CEP162: variants seen among roughly 807,000 people sequenced by gnomAD.
CEP162 encodes centrosomal protein of 162 kDa.
Under a neutral mutation model 169.2 loss-of-function variants are expected in CEP162, and 141 were observed. The observed-to-expected ratio is 0.83, with a 90% confidence interval of 0.73 to 0.96. CEP162 has a LOEUF of 0.96. Among genes scored for constraint, CEP162 ranks in the 40% least tolerant of loss-of-function variants. The probability of loss-of-function intolerance (pLI) is 0.00; values close to 1 mark genes in which losing one functional copy is unlikely to be tolerated. For synonymous variants in CEP162, 540 were observed against 526.4 expected, an observed-to-expected ratio of 1.03 and a Z score of -0.35; for missense variants, 1,600 against 1,587.2, an observed-to-expected ratio of 1.01 and a Z score of -0.14.
At chr6:84,221,226 C>G in intron 2 of CEP162, 55 bp from the exon 3 acceptor site, 5 of 849,548 alleles carry the variant, frequency 5.9e-6, no homozygotes, top group Non-Finnish European at 9.9e-6. Context: ...TCAAGAATCT[C>G]AGATTCATCA....
In CEP162 at chr6:84,165,102, T is replaced by G. The variant is rs116299818; in HGVS notation, c.2386-1832A>C. Among the ~76,000 whole-genome samples the G allele has an allele frequency of 4.4e-3, 662 of 151,816 alleles. 6 individuals are homozygous for G. Among genetic ancestry groups the G allele is most frequent in the African/African-American group, 0.015 (631 of 41,402 alleles). ...TGCTTGCAGTGCTTTGGGACCCAGA[T>G]AGCCAGGCAGTTTCCTCCCTCACTT... is the stretch of plus-strand genomic sequence containing the variant. On this transcript the variant is annotated intron_variant, in intron 18 of 26. Coordinates refer to ENST00000403245, the MANE Select transcript of CEP162 (RefSeq NM_014895.4).
intron 18 of CEP162, among the ~76,000 whole-genome samples, chr6:84,164,925 A>G (rs2099527234): frequency 6.6e-6 from 1 of 152,146 alleles, no homozygotes; most frequent in African/African-American, 2.4e-5. Flanking sequence ...GGGTTAACCC[A>G]AAGTCCTTAC....
At chr6:84,126,955 G>T (rs2099509185) in intron 25 of CEP162, among the ~76,000 whole-genome samples, 1 of 152,116 alleles carries the variant, frequency 6.6e-6, no homozygotes, top group African/African-American at 2.4e-5. Context: ...AATTCTATTT[G>T]TAATTCTCTA....
chr6:84,179,163 T>C (rs932429730), intron 13 of CEP162, among the ~76,000 whole-genome samples: 1 of 152,236 alleles, frequency 6.6e-6, no homozygotes, highest in Non-Finnish European at 1.5e-5. Context: ...TATAATCCTT[T>C]GGGTATATAC....
chr6:84,129,311 G>A (rs1292823070), intron 25 of CEP162, among the ~76,000 whole-genome samples: 1 of 152,190 alleles, frequency 6.6e-6, no homozygotes, highest in East Asian at 1.9e-4. Flanking sequence ...CCCACCAACA[G>A]TGTAAAAGCA....
intron 25 of CEP162, among the ~76,000 whole-genome samples, chr6:84,145,771 C>T (rs962264617): frequency 6.6e-6 from 1 of 152,090 alleles, no homozygotes; most frequent in Admixed American, 6.6e-5. Context: ...AGCTAATATA[C>T]GGACAATTTT....
chr6:84,218,390 A>G (rs141922287), intron 3 of CEP162, among the ~76,000 whole-genome samples: 156 of 152,352 alleles, frequency 1.0e-3, no homozygotes, highest in African/African-American at 3.5e-3. Context: ...AGGCCAGCAG[A>G]GGGTCTTGCT....
At chr6:84,180,090 C>A (rs1053213879) in intron 13 of CEP162, among the ~76,000 whole-genome samples, 1 of 152,114 alleles carries the variant, frequency 6.6e-6, no homozygotes, top group Non-Finnish European at 1.5e-5. Context: ...ATGCAAAAAT[C>A]CTCAATGAAA....
rs577768035 is a variant in CEP162 at position 84,153,103 on chromosome 6, A to C, written c.3071T>G (p.Ile1024Ser). 6.4e-5 allele frequency: 104 copies of C among 1,612,914 alleles called. No individual in the cohort carries two copies. In the South Asian group the frequency reaches 8.6e-4, roughly 13 times the overall value. ...CKLNQHDSPR[I>S]KALEKELDDI... Reference sequence around the variant, plus strand: ...ATCAAGTTCCTTCTCTAGGGCTTTAATTCTGGGAGAGTCATGTTGATTCAA... The same window carrying C: ...ATCAAGTTCCTTCTCTAGGGCTTTACTTCTGGGAGAGTCATGTTGATTCAA... Residue 1024 changes from isoleucine (I) to serine (S), a missense_variant, in exon 23 of 27, where the codon ATT becomes AGT. Physicochemically the swap from Ile to Ser is moderately radical, Grantham distance 142 (BLOSUM62 -2). Coordinates refer to ENST00000403245, the MANE Select transcript of CEP162 (RefSeq NM_014895.4).
At chr6:84,168,906 A>G (rs1357817462) in intron 18 of CEP162, among the ~76,000 whole-genome samples, 2 of 152,222 alleles carry the variant, frequency 1.3e-5, no homozygotes, top group Non-Finnish European at 2.9e-5. Context: ...CTACTTCGGA[A>G]GACAGGTAGA....
intron 25 of CEP162, among the ~76,000 whole-genome samples, chr6:84,133,256 T>C (rs879709760): frequency 7.9e-5 from 12 of 152,102 alleles, no homozygotes; most frequent in Admixed American, 6.5e-5. Flanking sequence ...CTGTATGAGG[T>C]GTCAGTTGGC....
At chr6:84,158,252 A>G (rs1307143465) in intron 21 of CEP162, among the ~76,000 whole-genome samples, 1 of 152,228 alleles carries the variant, frequency 6.6e-6, no homozygotes, top group East Asian at 1.9e-4. Context: ...CTGTGCCACC[A>G]GCTTTAGGAC....
chr6:84,214,157 T>TA (rs1251644045), intron 5 of CEP162, among the ~76,000 whole-genome samples: 1 of 152,172 alleles, frequency 6.6e-6, no homozygotes, highest in Non-Finnish European at 1.5e-5. Context: ...CAGGCGCCTG[T>TA]AGTCCCAGCT....
At chr6:84,129,074 C>T (rs1276796233) in intron 25 of CEP162, among the ~76,000 whole-genome samples, 2 of 152,148 alleles carry the variant, frequency 1.3e-5, no homozygotes, top group African/African-American at 4.8e-5. Context: ...GCCACATTGT[C>T]TTTATCCAAT....
intron 22 of CEP162, among the ~76,000 whole-genome samples, chr6:84,154,914 TTCTG>T (rs1206495030): frequency 2.0e-5 from 3 of 152,208 alleles, no homozygotes; most frequent in Non-Finnish European, 4.4e-5. Flanking sequence ...AAATGTATAC[TTCTG>T]TCTTATTCCC....
intron 9 of CEP162, among the ~76,000 whole-genome samples, chr6:84,198,890 TTA>T (rs1269440112): frequency 2.0e-5 from 3 of 152,220 alleles, no homozygotes; most frequent in Non-Finnish European, 2.9e-5. Flanking sequence ...TTTTAAAAAC[TTA>T]ACATTATAAT....
chr6:84,210,334 T>C (rs1213156963), intron 6 of CEP162, among the ~76,000 whole-genome samples: 1 of 152,208 alleles, frequency 6.6e-6, no homozygotes, highest in Non-Finnish European at 1.5e-5. Flanking sequence ...TTTTTGCCAA[T>C]CTAGAGGACT....
chr6:84,206,226 G>T (rs1310987616), intron 6 of CEP162, among the ~76,000 whole-genome samples: 10 of 148,862 alleles, frequency 6.7e-5, no homozygotes, highest in African/African-American at 2.6e-4. Flanking sequence ...CTACTTTAAA[G>T]TTCATATGGA....
chr6:84,155,575 G>C, intron 21 of CEP162, 65 bp from the exon 22 acceptor site: 1 of 1,099,996 alleles, frequency 9.1e-7, no homozygotes. Context: ...TAAAGTTTCA[G>C]GATACAATCT....
Sources: gnomAD v4.1 joint callset for allele counts (sites outside exome capture counted in the v4.1 genomes callset) on GRCh38, gnomAD v4.1.1 for gene constraint, MANE v1.5 for transcripts, NCBI Gene and HGNC (gene_info 2026-07-23, HGNC 2026-07-21) for gene names.